The following UBAP2 variants were observed in gnomAD, a reference collection of about 807,000 sequenced individuals.
The protein encoded by UBAP2 is ubiquitin-associated protein 2.
UBAP2 carries 75 observed loss-of-function variants against 139.6 expected under a neutral mutation model. The observed-to-expected ratio is 0.54, with a 90% CI of 0.45 to 0.65. The LOEUF (loss-of-function observed/expected upper bound fraction) is 0.65. UBAP2 is among the 30% of genes least tolerant of loss of function. UBAP2 has a pLI of 0.00. For missense variants in UBAP2, 1,368 were observed against 1,369.6 expected (o/e 1.00, Z 0.02); for synonymous variants, 526 against 526.2 (o/e 1.00, Z 0.01).
intron 8 of UBAP2, among the ~76,000 whole-genome samples, chr9:33,970,799 T>C (rs1268702231): frequency 2.0e-5 from 3 of 152,072 alleles, no homozygotes; most frequent in African/African-American, 7.2e-5. Context: ...GTTTCTGTTT[T>C]TCGTTTTTGT....
chr9:34,043,248 T>A (rs1767144518), intron 1 of UBAP2, among the ~76,000 whole-genome samples: 1 of 152,134 alleles, frequency 6.6e-6, no homozygotes, highest in African/African-American at 2.4e-5. Flanking sequence ...CACAGCCCAC[T>A]GCAGTCTCAA....
chr9:34,018,273 T>A (rs1483457497), intron 1 of UBAP2, among the ~76,000 whole-genome samples: 1 of 148,294 alleles, frequency 6.7e-6, no homozygotes. Context: ...AATTTTCCGA[T>A]AAAGACCAGA....
At chr9:33,995,361 A>G (rs1005074723) in intron 4 of UBAP2, 1 of 143,942 alleles carries the variant, frequency 6.9e-6, no homozygotes, top group Admixed American at 7.4e-5. Flanking sequence ...TCTCAAAAAA[A>G]TAAATAAATA....
In UBAP2 at chr9:33,998,837, G is replaced by C. The variant is rs1158564208; in HGVS notation, c.127C>G (p.Gln43Glu). The C allele has an allele frequency of 1.2e-6, 2 of 1,611,602 alleles. No individual in the cohort carries two copies. The highest frequency in any genetic ancestry group is 1.7e-6 in the Non-Finnish European group (2 of 1,179,688). Residue 43 changes from glutamine to glutamate, a missense_variant, in exon 3 of 29, where the codon CAA (glutamine) becomes GAA (glutamate). Physicochemically the swap from Gln to Glu is conservative, Grantham distance 29. Transcript: ENST00000379238. ...GAATCATTCTTATCAAAGATCACTT[G>C]AGCGAGACGCATCTGTTCAGCTGTT... is the stretch of plus-strand genomic sequence containing the variant. Reference protein sequence around the residue: ...QATAEQMRLAQVIFDKNDSDF... With the variant: ...QATAEQMRLAEVIFDKNDSDF...
chr9:33,936,322 T>C (rs1243315927), intron 16 of UBAP2, among the ~76,000 whole-genome samples: 3 of 152,108 alleles, frequency 2.0e-5, no homozygotes, highest in African/African-American at 7.2e-5. Flanking sequence ...TGAGATGGTG[T>C]CTTGCGCTGT....
At chr9:33,976,389 G>A (rs867361828) in intron 6 of UBAP2, among the ~76,000 whole-genome samples, 18 of 152,194 alleles carry the variant, frequency 1.2e-4, no homozygotes, top group African/African-American at 3.4e-4. Flanking sequence ...GGGTAAAGGC[G>A]ATGGGGAACC....
intron 15 of UBAP2, among the ~76,000 whole-genome samples, chr9:33,942,845 C>T (rs1371765792): frequency 6.6e-6 from 1 of 152,072 alleles, no homozygotes; most frequent in East Asian, 1.9e-4. Flanking sequence ...CCCTCATAGA[C>T]TACTGGTAGG....
chr9:33,996,815 T>G (rs1822243289), intron 3 of UBAP2: 1 of 154,432 alleles, frequency 6.5e-6, no homozygotes, highest in South Asian at 2.0e-4. Flanking sequence ...CCAGCCGCAG[T>G]GGCTCACAAC....
intron 11 of UBAP2, among the ~76,000 whole-genome samples, chr9:33,954,633 T>G (rs550468373): frequency 1.3e-5 from 2 of 152,142 alleles, no homozygotes; most frequent in African/African-American, 4.8e-5. Flanking sequence ...TCCTGACACA[T>G]GGCAAAGTTC....
chr9:34,000,261 C>T (rs958629382), intron 2 of UBAP2, among the ~76,000 whole-genome samples: 2 of 152,144 alleles, frequency 1.3e-5, no homozygotes, highest in Non-Finnish European at 2.9e-5. Flanking sequence ...ACTACAGGTG[C>T]GCACCACCAC....
intron 2 of UBAP2, among the ~76,000 whole-genome samples, chr9:34,004,974 A>C (rs1219882976): frequency 3.3e-5 from 5 of 151,462 alleles, no homozygotes; most frequent in African/African-American, 1.2e-4. Context: ...ATCCCATTGA[A>C]AACAACAGTC....
Position 34,036,267 on chromosome 9 carries a change from C to T in UBAP2, c.-42+12558G>A, listed in dbSNP as rs537535647. 2.6e-5 allele frequency among the ~76,000 whole-genome samples: 4 copies of T among 152,108 alleles called. No individual in the cohort carries two copies. In the East Asian group the frequency reaches 5.8e-4, roughly 22 times the overall value. ...AAGTAGCTGGGGTTACAGGCACCCA[C>T]CGCCATGCCCGGATAATTTTTTATA... On this transcript the variant is annotated intron_variant, in intron 1 of 28. Transcript: ENST00000379238.
At chr9:33,970,777 G>T (rs1158077747) in intron 8 of UBAP2, among the ~76,000 whole-genome samples, 2 of 151,922 alleles carry the variant, frequency 1.3e-5, no homozygotes, top group Non-Finnish European at 2.9e-5. Flanking sequence ...ATAATTCATT[G>T]TGTTAAATTA....
chr9:34,037,249 A>G (rs531249665), intron 1 of UBAP2, among the ~76,000 whole-genome samples: 75 of 152,174 alleles, frequency 4.9e-4, no homozygotes, highest in African/African-American at 1.8e-3. Flanking sequence ...CGGCCCCCCA[A>G]AGTGCTGGGA....
intron 7 of UBAP2, among the ~76,000 whole-genome samples, 159 bp from the exon 8 acceptor site, chr9:33,971,913 TGCCA>T (rs965477936): frequency 2.6e-5 from 4 of 152,220 alleles, no homozygotes; most frequent in Non-Finnish European, 5.9e-5. Context: ...TAACTAATTC[TGCCA>T]GCCATGGAGA....
intron 2 of UBAP2, among the ~76,000 whole-genome samples, chr9:34,008,955 C>T (rs1313671354): frequency 6.2e-5 from 5 of 81,014 alleles, no homozygotes; most frequent in African/African-American, 1.5e-4. Context: ...CACAGCGAGA[C>T]TGTCTCAAAA....
At chr9:34,007,518 G>A (rs1484450531) in intron 2 of UBAP2, among the ~76,000 whole-genome samples, 2 of 150,264 alleles carry the variant, frequency 1.3e-5, no homozygotes, top group Non-Finnish European at 3.0e-5. Flanking sequence ...TTATTATTTT[G>A]AGGTATGTTC....
At chr9:33,963,845 T>C in intron 8 of UBAP2, 54 bp from the exon 9 acceptor site, 146 of 991,474 alleles carry the variant, frequency 1.5e-4, no homozygotes, top group Middle Eastern at 2.1e-4. Context: ...ATGAAAGTAT[T>C]CATCACAGAG....
rs116689387 is a variant in UBAP2 at position 33,988,852 on chromosome 9, A to G, written c.442+121T>C. On this transcript the variant is annotated intron_variant, in intron 5 of 28. Transcript: ENST00000379238. ...TTCAGAATGTATGGAAACTAAGAAA[A>G]AATTTGAGAAAGCTGAGCGCAGTGA... 1.0e-3 allele frequency: 1,158 copies of G among 1,127,202 alleles called. 13 individuals are homozygous for G. The African/African-American group carries it at 0.016, about 15-fold the overall frequency. 69.8% of individuals were successfully genotyped at this position (1,127,202 alleles called of 1,614,324 possible). A position where few individuals can be genotyped will look rare whatever the true frequency, so the allele number is the denominator to read the frequency against.
Sources: gnomAD v4.1 joint callset for allele counts (sites outside exome capture counted in the v4.1 genomes callset) on GRCh38, gnomAD v4.1.1 for gene constraint, MANE v1.5 for transcripts, NCBI Gene and HGNC (gene_info 2026-07-23, HGNC 2026-07-21) for gene names.